TMEM131: variants seen among roughly 807,000 people sequenced by gnomAD.
TMEM131 encodes the protein transmembrane protein 131.
In TMEM131, 66 loss-of-function variants were observed where a neutral mutation model predicts 211.6. That is an observed-to-expected ratio of 0.31 (90% CI 0.26 to 0.38). The LOEUF is 0.38. Ranked by LOEUF, TMEM131 falls within the 10% of genes least tolerant of loss-of-function variation. TMEM131 has a pLI of 1.00. For synonymous variants in TMEM131, 844 were observed against 841.3 expected (o/e 1.00, Z -0.06); for missense variants, 2,036 against 2,299.3 (o/e 0.89, Z 2.34).
chr2:97,839,348 CAACCAACCAACCA>C (rs1293197873), intron 7 of TMEM131, among the ~76,000 whole-genome samples: 10 of 151,296 alleles, frequency 6.6e-5, no homozygotes, highest in African/African-American at 2.4e-4. Flanking sequence ...ACCAACCAAC[CAACCAACCAACCA>C]AAAAAACCCC....
At chr2:97,862,379 T>C (rs62154556) in intron 4 of TMEM131, among the ~76,000 whole-genome samples, 11,461 of 151,970 alleles carry the variant, frequency 0.075, 527 homozygotes, top group Middle Eastern at 0.12. Flanking sequence ...CTTAAATGAA[T>C]TAAATAAGGC....
chr2:97,972,856 G>A (rs1679367552), intron 1 of TMEM131, among the ~76,000 whole-genome samples: 1 of 152,172 alleles, frequency 6.6e-6, no homozygotes, highest in African/African-American at 2.4e-5. Context: ...TACAAGCCAA[G>A]GAATGTAGGT....
intron 4 of TMEM131, among the ~76,000 whole-genome samples, chr2:97,866,670 G>A (rs866299452): frequency 1.2e-4 from 18 of 152,106 alleles, no homozygotes; most frequent in Middle Eastern, 3.4e-3. Flanking sequence ...GCTGCATCCC[G>A]TAAGTTTTGA....
intron 3 of TMEM131, among the ~76,000 whole-genome samples, chr2:97,897,277 G>A (rs1675653373): frequency 6.6e-6 from 1 of 151,844 alleles, no homozygotes; most frequent in Non-Finnish European, 1.5e-5. Flanking sequence ...TCTGTTTCTT[G>A]TCTTAATGTA....
intron 33 of TMEM131, among the ~76,000 whole-genome samples, chr2:97,771,134 G>A (rs1053452119): frequency 2.6e-5 from 4 of 152,004 alleles, no homozygotes; most frequent in Non-Finnish European, 4.4e-5. Context: ...TCTGCTTGAC[G>A]TTCCTTCTAC....
At chr2:97,881,454 C>A (rs1044557102) in intron 4 of TMEM131, among the ~76,000 whole-genome samples, 1 of 151,784 alleles carries the variant, frequency 6.6e-6, no homozygotes, top group Non-Finnish European at 1.5e-5. Context: ...GCAATCCTCC[C>A]ACCTCGGCCT....
rs2104940108 is a variant in TMEM131, at chr2:97,805,656, C to G, written c.2103G>C (p.Gln701His). Residue 701 changes from glutamine to histidine, a missense_variant, in exon 20 of 41, where the codon CAG becomes CAC. Coordinates refer to ENST00000186436, the MANE Select transcript of TMEM131 (RefSeq NM_015348.2). ...ATCGTATTTGCTGTATTTTTACCTT[C>G]TGTGAGAAGGAATTCATAATATTTA... ...QSLNIMNSFS[Q>H]KVKIQQIRSL... is the part of the protein sequence containing the mutation. 1 of 1,608,912 alleles carries G rather than the reference C, an allele frequency of 6.2e-7. No homozygotes were observed. The highest frequency in any genetic ancestry group is 8.5e-7 in the Non-Finnish European group (1 of 1,176,470).
intron 33 of TMEM131, among the ~76,000 whole-genome samples, chr2:97,766,984 T>A (rs1215296166): frequency 6.6e-6 from 1 of 152,192 alleles, no homozygotes; most frequent in Non-Finnish European, 1.5e-5. Flanking sequence ...TCTCCCAGCA[T>A]CTAGACCACC....
intron 4 of TMEM131, among the ~76,000 whole-genome samples, chr2:97,882,731 T>C (rs544825574): frequency 2.0e-5 from 3 of 152,340 alleles, no homozygotes; most frequent in Admixed American, 2.0e-4. Context: ...TATATATACA[T>C]ATACATTCAT....
chr2:97,859,225 C>A, intron 5 of TMEM131, 79 bp downstream of exon 5: 1 of 1,427,020 alleles, frequency 7.0e-7, no homozygotes, highest in Non-Finnish European at 9.4e-7. Context: ...ATTCTAATCA[C>A]AGCAAGTTAT....
intron 12 of TMEM131, among the ~76,000 whole-genome samples, chr2:97,816,874 G>A (rs1477602808): frequency 1.3e-5 from 2 of 152,150 alleles, no homozygotes; most frequent in African/African-American, 4.8e-5. Flanking sequence ...TATATAAGGT[G>A]CATTCTAACA....
rs990465674 is a variant in TMEM131, at chr2:97,772,551, C to T, written c.4321-127G>A. On this transcript the variant is annotated intron_variant, in intron 32 of 40. Transcript: ENST00000186436. ...CACATCATATACGTAAAAACAAACT[C>T]GTTTCTTCAAATCTGTCTTCACTGC... 4.9e-5 allele frequency: 54 copies of T among 1,112,512 alleles called. No individual in the cohort carries two copies. In the African/African-American group the frequency reaches 7.1e-4, roughly 15 times the overall value. 68.9% of individuals were successfully genotyped at this position (1,112,512 alleles called of 1,614,324 possible). A position where few individuals can be genotyped will look rare whatever the true frequency, so the allele number is the denominator to read the frequency against.
chr2:97,921,614 C>CATGT (rs1676743077), intron 2 of TMEM131, among the ~76,000 whole-genome samples: 1 of 152,172 alleles, frequency 6.6e-6, no homozygotes, highest in Admixed American at 6.5e-5. Context: ...ATAAAGAACT[C>CATGT]ATGTAATGGA....
At chr2:97,840,112 T>C (rs1295803088) in intron 7 of TMEM131, among the ~76,000 whole-genome samples, 1 of 152,180 alleles carries the variant, frequency 6.6e-6, no homozygotes, top group Non-Finnish European at 1.5e-5. Flanking sequence ...AGGTAAACAA[T>C]CTATATTTGG....
At chr2:97,778,705 G>A (rs1048291364) in intron 31 of TMEM131, among the ~76,000 whole-genome samples, 27 of 152,114 alleles carry the variant, frequency 1.8e-4, no homozygotes, top group African/African-American at 5.6e-4. Context: ...CTAACCTGTT[G>A]AAGCCCATGA....
At chr2:97,892,178 T>A (rs1276366194) in intron 3 of TMEM131, among the ~76,000 whole-genome samples, 1 of 152,222 alleles carries the variant, frequency 6.6e-6, no homozygotes, top group Non-Finnish European at 1.5e-5. Flanking sequence ...CAATTAGGTA[T>A]CTTTTGTAAA....
At chr2:97,780,947 G>A (rs763219872) in intron 31 of TMEM131, among the ~76,000 whole-genome samples, 15 of 152,178 alleles carry the variant, frequency 9.9e-5, no homozygotes, top group South Asian at 2.1e-4. Context: ...TCTTGGTAGA[G>A]CAGCCAGGTT....
intron 4 of TMEM131, 164 bp downstream of exon 4, chr2:97,887,884 ATACT>A: frequency 1.8e-6 from 1 of 565,780 alleles, no homozygotes; most frequent in Non-Finnish European, 3.1e-6. Flanking sequence ...CTCCTAATAG[ATACT>A]TACTTCCCAT....
chr2:97,874,107 T>C (rs1034299875), intron 4 of TMEM131, among the ~76,000 whole-genome samples: 3 of 152,014 alleles, frequency 2.0e-5, no homozygotes, highest in Non-Finnish European at 4.4e-5. Flanking sequence ...ATTGGTCAAG[T>C]GGAAGAAAGG....
Sources: allele counts gnomAD v4.1 joint callset (sites outside exome capture counted in the v4.1 genomes callset), GRCh38; gene constraint gnomAD v4.1.1; transcripts MANE v1.5; gene names NCBI Gene and HGNC (gene_info 2026-07-23, HGNC 2026-07-21).